The following COL1A2 variants were observed in gnomAD, a reference collection of about 807,000 sequenced individuals.
COL1A2 encodes collagen type I alpha 2 chain.
Under a neutral mutation model 174.3 loss-of-function variants are expected in COL1A2, and 49 were observed. The ratio of observed to expected loss-of-function variants is 0.28; its 90% CI spans 0.22 to 0.36. The LOEUF is 0.36. Among genes scored for constraint, COL1A2 ranks in the 10% least tolerant of loss-of-function variants. The pLI, the probability that COL1A2 is intolerant of heterozygous loss-of-function variation, is 1.00. For synonymous variants in COL1A2, 655 were observed against 606.6 expected (o/e 1.08, Z -1.17); for missense variants, 1,438 against 1,822.7 (o/e 0.79, Z 3.84).
At chr7:94,407,361 T>TACTACTACTACTACC (rs1326239188) in intron 12 of COL1A2, among the ~76,000 whole-genome samples, 8 of 152,116 alleles carry the variant, frequency 5.3e-5, no homozygotes, top group East Asian at 1.9e-4. Flanking sequence ...CTACTACTAC[T>TACTACTACTACTACC]ACCCTGGTTT....
chr7:94,415,913 T>C (rs542527750), intron 30 of COL1A2, among the ~76,000 whole-genome samples: 4 of 152,250 alleles, frequency 2.6e-5, no homozygotes, highest in South Asian at 2.1e-4. Context: ...TATATATATA[T>C]ACACAAATAC....
At chr7:94,417,412 A>C in intron 31 of COL1A2, 1 of 382,864 alleles carries the variant, frequency 2.6e-6, no homozygotes, top group Non-Finnish European at 5.0e-6. Context: ...TTTGTGGGTA[A>C]ACATTTTTTA....
In COL1A2 at chr7:94,397,416, T is replaced by C. The variant is rs113801999; in HGVS notation, c.71-332T>C. On this transcript the variant is annotated intron_variant, in intron 1 of 51. Transcript: ENST00000297268. ...TACTAGTCTTACATTCAGCGATTCATCTGTGCACTTTACCAGCTTAATTGC... is the reference window on the plus strand; with the variant it reads ...TACTAGTCTTACATTCAGCGATTCACCTGTGCACTTTACCAGCTTAATTGC... Among the ~76,000 whole-genome samples, 502 of 152,288 alleles carry C rather than the reference T, an allele frequency of 3.3e-3. 3 individuals are homozygous for C. Among genetic ancestry groups the C allele is most frequent in the African/African-American group, 0.012 (482 of 41,574 alleles).
chr7:94,404,099 C>T (rs1379275414), intron 6 of COL1A2, among the ~76,000 whole-genome samples: 2 of 152,132 alleles, frequency 1.3e-5, no homozygotes, highest in Admixed American at 6.5e-5. Flanking sequence ...TTAAGAAGGA[C>T]TTTTGATTCT....
intron 23 of COL1A2, among the ~76,000 whole-genome samples, chr7:94,411,373 G>A (rs1584320733): frequency 6.6e-6 from 1 of 152,070 alleles, no homozygotes; most frequent in African/African-American, 2.4e-5. Flanking sequence ...ATGGCTATGA[G>A]GTTTTTGGAA....
chr7:94,412,348 C>CAAGGGGATGCAAGAG (rs1219625946), intron 24 of COL1A2, among the ~76,000 whole-genome samples: 2 of 151,320 alleles, frequency 1.3e-5, no homozygotes, highest in Admixed American at 6.6e-5. Context: ...AAGCAGGTGA[C>CAAGGGGATGCAAGAG]AAGGGGATGC....
chr7:94,411,998 T>A (rs1584321086), intron 23 of COL1A2, 70 bp from the exon 24 acceptor site: 1 of 1,352,116 alleles, frequency 7.4e-7, no homozygotes, highest in East Asian at 2.4e-5. Context: ...TTTGTTAGAC[T>A]TCAGTTAATC....
intron 38 of COL1A2, chr7:94,421,329 C>A: frequency 3.8e-6 from 2 of 532,456 alleles, no homozygotes; most frequent in South Asian, 2.1e-5. Flanking sequence ...TTCCTTTTGG[C>A]GTTTATTAAT....
chr7:94,421,159 T>C (rs978282101), intron 38 of COL1A2, 97 bp downstream of exon 38: 1 of 1,245,420 alleles, frequency 8.0e-7, no homozygotes, highest in South Asian at 1.2e-5. Context: ...TGGACTACCA[T>C]GAGGAAACTT....
At chr7:94,429,122 T>TC in intron 50 of COL1A2, 66 bp from the exon 51 acceptor site, 1 of 1,247,816 alleles carries the variant, frequency 8.0e-7, no homozygotes, top group Non-Finnish European at 1.1e-6. Flanking sequence ...TTTTTTTTTT[T>TC]CATGTTTGAC....
At chr7:94,419,883 C>A (rs766543768) in intron 34 of COL1A2, among the ~76,000 whole-genome samples, 27 of 152,080 alleles carry the variant, frequency 1.8e-4, no homozygotes, top group Non-Finnish European at 4.0e-4. Context: ...CATAGTGTGC[C>A]CATTTCACAT....
chr7:94,406,411 T>G (rs1791798332), intron 12 of COL1A2, 108 bp downstream of exon 12: 1 of 1,048,110 alleles, frequency 9.5e-7, no homozygotes, highest in Non-Finnish European at 1.4e-6. Context: ...AAAAGTATTT[T>G]TATTTTTTTT....
chr7:94,416,539 C>T, intron 31 of COL1A2, 36 bp downstream of exon 31: 1 of 1,469,104 alleles, frequency 6.8e-7, no homozygotes, highest in South Asian at 1.2e-5. Context: ...CTGGTTTGGC[C>T]CAGTCTGCCT....
intron 3 of COL1A2, 108 bp from the exon 4 acceptor site, chr7:94,398,941 G>A: frequency 1.0e-6 from 1 of 1,001,856 alleles, no homozygotes; most frequent in South Asian, 1.3e-5. Context: ...TAATAACATT[G>A]TAGTTACATC....
chr7:94,419,593 T>C, intron 34 of COL1A2, 42 bp downstream of exon 34: 1 of 1,610,702 alleles, frequency 6.2e-7, no homozygotes, highest in South Asian at 1.1e-5. Context: ...ATATCTAAAA[T>C]TTCCCGCCTT....
At position 94,413,927 on chromosome 7, in the gene COL1A2, C is replaced by G. The variant is rs42524; in HGVS notation, c.1645C>G (p.Pro549Ala). Residue 549 changes from proline (P) to alanine (A), a missense_variant, in exon 28 of 52, where the codon CCT (proline) becomes GCT (alanine). Pro to Ala is a conservative substitution (Grantham distance 27). This residue lies in a region of COL1A2 where 867 missense variants were observed against 1,213.7 expected (regional missense o/e 0.71). Coordinates refer to ENST00000297268, the MANE Select transcript of COL1A2 (RefSeq NM_000089.4). ...VQGGKGEQGPPGPPGFQGLPG... is the reference protein window; with the variant it reads ...VQGGKGEQGPAGPPGFQGLPG... ...AGGTGGAAAAGGTGAACAGGGTCCC[C>G]CTGGTCCTCCAGGCTTCCAGGTAAG... is the stretch of plus-strand genomic sequence containing the variant. 0.76 allele frequency: 1,231,835 copies of G among 1,612,780 alleles called. 473,323 individuals carry two copies. The highest frequency in any genetic ancestry group is 0.94 in the East Asian group (41,993 of 44,870).
intron 40 of COL1A2, 63 bp downstream of exon 40, chr7:94,423,181 C>A: frequency 6.3e-7 from 1 of 1,583,734 alleles, no homozygotes; most frequent in Non-Finnish European, 8.7e-7. Context: ...AGCCCCTACA[C>A]AAATCTTCAA....
intron 23 of COL1A2, among the ~76,000 whole-genome samples, chr7:94,411,864 A>T (rs73428204): frequency 6.4e-4 from 98 of 152,368 alleles, no homozygotes; most frequent in African/African-American, 2.3e-3. Context: ...AAATTTCAAT[A>T]AAAGGAAAGC....
intron 12 of COL1A2, 121 bp from the exon 13 acceptor site, chr7:94,407,725 TG>T: frequency 1.2e-6 from 1 of 815,312 alleles, no homozygotes; most frequent in Non-Finnish European, 2.0e-6. Flanking sequence ...ACAATCTATA[TG>T]TGTAAGAAAT....
Sources: allele counts gnomAD v4.1 joint callset (sites outside exome capture counted in the v4.1 genomes callset), GRCh38; gene constraint gnomAD v4.1.1; regional missense constraint gnomAD v4.1.1; transcripts MANE v1.5; gene names NCBI Gene and HGNC (gene_info 2026-07-23, HGNC 2026-07-21).